The following C5orf34 variants were observed in gnomAD, a reference collection of about 807,000 sequenced individuals.
C5orf34 encodes chromosome 5 open reading frame 34.
Under a neutral mutation model 78.4 loss-of-function variants are expected in C5orf34, and 73 were observed. The observed-to-expected ratio is 0.93, with a 90% CI of 0.77 to 1.13. The LOEUF is 1.13. Ranked by LOEUF, C5orf34 falls within the 50% of genes most tolerant of loss-of-function variation. The pLI, the probability that C5orf34 is intolerant of heterozygous loss-of-function variation, is 0.00. For synonymous variants in C5orf34, 251 were observed against 246.6 expected (o/e 1.02, Z -0.17); for missense variants, 730 against 732.7 (o/e 1.00, Z 0.04).
chr5:43,494,984 A>G, intron 6 of C5orf34: 2 of 1,081,260 alleles, frequency 1.8e-6, no homozygotes, highest in Non-Finnish European at 2.8e-6. Flanking sequence ...TTTCACTACT[A>G]AACTTAAATG....
At chr5:43,508,469 T>C in intron 3 of C5orf34, 108 bp downstream of exon 3, 3 of 643,756 alleles carry the variant, frequency 4.7e-6, no homozygotes, top group Non-Finnish European at 8.3e-6. Flanking sequence ...TTTATAGCAA[T>C]GTATCCCCAG....
At chr5:43,512,582 C>T (rs1746315732) in intron 1 of C5orf34, among the ~76,000 whole-genome samples, 1 of 152,152 alleles carries the variant, frequency 6.6e-6, no homozygotes, top group South Asian at 2.1e-4. Flanking sequence ...CTCTTTTCCC[C>T]TACTTTTCTC....
chr5:43,508,202 T>C (rs1746074619), intron 3 of C5orf34, among the ~76,000 whole-genome samples: 2 of 152,276 alleles, frequency 1.3e-5, no homozygotes, highest in East Asian at 3.9e-4. Context: ...TTGTTGGACA[T>C]AGTAAACCCT....
chr5:43,488,104 C>T (rs1745134974), intron 11 of C5orf34, 155 bp from the exon 12 acceptor site: 2 of 602,162 alleles, frequency 3.3e-6, no homozygotes, highest in Middle Eastern at 4.4e-4. Context: ...AGCAACAAAT[C>T]AACTTGACTC....
chr5:43,496,625 G>C (rs1216521439), intron 6 of C5orf34, among the ~76,000 whole-genome samples: 1 of 106,248 alleles, frequency 9.4e-6, no homozygotes, highest in Non-Finnish European at 1.8e-5. Context: ...GTTTTACTCT[G>C]TTGCCCAGGG....
chr5:43,499,673 A>G (rs1745678936), intron 6 of C5orf34, among the ~76,000 whole-genome samples: 1 of 152,108 alleles, frequency 6.6e-6, no homozygotes, highest in Non-Finnish European at 1.5e-5. Context: ...CTATATAGGT[A>G]TGGGTTTATT....
intron 6 of C5orf34, chr5:43,496,179 G>A: frequency 1.9e-6 from 3 of 1,541,888 alleles, no homozygotes; most frequent in Non-Finnish European, 2.7e-6. Flanking sequence ...TGAGTCCTGG[G>A]GCATCAATGA....
chr5:43,494,549 C>T lies in C5orf34; in HGVS notation c.1205G>A (p.Ser402Asn), dbSNP rs1412204205. 2.5e-6 allele frequency: 4 copies of T among 1,608,580 alleles called. No homozygotes were observed. Among genetic ancestry groups the T allele is most frequent in the Admixed American group, 3.3e-5 (2 of 59,952 alleles). Residue 402 changes from serine to asparagine, a missense_variant, in exon 7 of 13, where the codon AGT becomes AAT. Coordinates refer to ENST00000306862, the MANE Select transcript of C5orf34 (RefSeq NM_198566.4). ...VNNLPPDRPGSPFTVGSLIKQ... is the reference protein window; with the variant it reads ...VNNLPPDRPGNPFTVGSLIKQ... ...AATTAGAGAACCGACAGTGAATGGA[C>T]TTCCCGGTCTATCTGGAGGAAGGTT...
rs145173644 is a variant in C5orf34, at chr5:43,490,631, C to T, written c.1679G>A (p.Trp560Ter). The change falls in exon 11 of 13, where the codon TGG becomes TAG. Residue 560 changes from tryptophan (W) to a stop codon, truncating the protein, a stop_gained and splice_region_variant. Coordinates refer to ENST00000306862, the MANE Select transcript of C5orf34 (RefSeq NM_198566.4). LOFTEE classifies it high-confidence loss of function. ...HSSSSVLQEN[W>*]SVASELEKIQ... Reference sequence around the variant, plus strand: ...AGATTTAAGTTTAAAAGAAAAATACCAATTTTCTTGGAGAACAGAAGATGA... The same window carrying T: ...AGATTTAAGTTTAAAAGAAAAATACTAATTTTCTTGGAGAACAGAAGATGA... The T allele has an allele frequency of 8.8e-6, 14 of 1,584,852 alleles. No individual in the cohort carries two copies. The African/African-American group carries it at 1.9e-4, about 21-fold the overall frequency.
At chr5:43,504,178 G>A (rs888809855) in intron 4 of C5orf34, among the ~76,000 whole-genome samples, 4 of 151,878 alleles carry the variant, frequency 2.6e-5, no homozygotes, top group Admixed American at 2.0e-4. Flanking sequence ...GTAGTGGCAC[G>A]TGCCTGTAAT....
intron 1 of C5orf34, among the ~76,000 whole-genome samples, chr5:43,513,309 C>A (rs1298653827): frequency 6.6e-6 from 1 of 152,208 alleles, no homozygotes; most frequent in East Asian, 1.9e-4. Context: ...CTCTCTATGT[C>A]CCTGTCCCAT....
intron 10 of C5orf34, among the ~76,000 whole-genome samples, chr5:43,491,386 T>C (rs947616280): frequency 1.3e-5 from 2 of 152,184 alleles, no homozygotes; most frequent in Non-Finnish European, 2.9e-5. Flanking sequence ...AAAGCTATTA[T>C]TTTGTGAATA....
chr5:43,499,142 C>T (rs1422653973), intron 6 of C5orf34, among the ~76,000 whole-genome samples: 1 of 152,178 alleles, frequency 6.6e-6, no homozygotes, highest in African/African-American at 2.4e-5. Flanking sequence ...TAGGGAGTGT[C>T]TTGGGTAGCT....
At position 43,497,397 on chromosome 5, in the gene C5orf34, C is replaced by T. The variant is rs75368790; in HGVS notation, c.1153-2796G>A. Among the ~76,000 whole-genome samples the T allele has an allele frequency of 9.5e-3, 1,447 of 152,268 alleles. 7 individuals carry two copies. Among genetic ancestry groups the T allele is most frequent in the Non-Finnish European group, 0.017 (1,150 of 68,012 alleles). On this transcript the variant is annotated intron_variant, in intron 6 of 12. Coordinates refer to ENST00000306862, the MANE Select transcript of C5orf34 (RefSeq NM_198566.4). ...ATTCCTCAAAATAATTCTGAGATAA[C>T]TATTAATGCTTGTTCTTCAGATGAG... is the stretch of plus-strand genomic sequence containing the variant.
intron 1 of C5orf34, among the ~76,000 whole-genome samples, chr5:43,510,312 G>T (rs541529062): frequency 6.6e-6 from 1 of 152,090 alleles, no homozygotes; most frequent in Non-Finnish European, 1.5e-5. Context: ...TATTATCTTG[G>T]ATTTGTCCTT....
At chr5:43,501,653 T>C (rs1161637997) in intron 6 of C5orf34, among the ~76,000 whole-genome samples, 3 of 152,168 alleles carry the variant, frequency 2.0e-5, no homozygotes, top group Admixed American at 2.0e-4. Context: ...TTGTATATGT[T>C]TGAAATTTCC....
At chr5:43,500,097 CA>C in intron 6 of C5orf34, among the ~76,000 whole-genome samples, 1 of 152,316 alleles carries the variant, frequency 6.6e-6, no homozygotes, top group African/African-American at 2.4e-5. Flanking sequence ...ACTTTTCCCA[CA>C]CCCTTCCCAG....
chr5:43,496,129 G>GTCAA, intron 6 of C5orf34: 1 of 1,301,894 alleles, frequency 7.7e-7, no homozygotes, highest in Admixed American at 1.7e-5. Flanking sequence ...GGACAGCACA[G>GTCAA]CCTGAGATGT....
At chr5:43,514,753 T>A (rs1255963468) in intron 1 of C5orf34, 53 bp downstream of exon 1, 1 of 152,128 alleles carries the variant, frequency 6.6e-6, no homozygotes, top group Non-Finnish European at 1.5e-5. Context: ...TGCTATAGTC[T>A]CTAGTTACAG....
Sources: gnomAD v4.1 joint callset for allele counts (sites outside exome capture counted in the v4.1 genomes callset) on GRCh38, gnomAD v4.1.1 for gene constraint, MANE v1.5 for transcripts, NCBI Gene and HGNC (gene_info 2026-07-23, HGNC 2026-07-21) for gene names.